The following MEF2C variants were observed in gnomAD, a reference collection of about 807,000 sequenced individuals.
MEF2C encodes the protein myocyte-specific enhancer factor 2C.
In MEF2C, 6 loss-of-function variants were observed where a neutral mutation model predicts 50.5. That is an observed-to-expected ratio of 0.12 (90% CI 0.07 to 0.23). The LOEUF is 0.23. Ranked by LOEUF, MEF2C falls within the 10% of genes least tolerant of loss-of-function variation. MEF2C has a pLI of 1.00. For missense variants in MEF2C, 276 were observed against 605.0 expected (o/e 0.46, Z 5.70); for synonymous variants, 183 against 228.0 (o/e 0.80, Z 1.78).
chr5:88,737,068 T>C (rs2152359064), intron 6 of MEF2C: 1 of 984,942 alleles, frequency 1.0e-6, no homozygotes, highest in South Asian at 4.7e-5. Context: ...CAAATAGATA[T>C]ATAGAATATG....
In MEF2C at chr5:88,832,762, G is replaced by A. The variant is rs115172876; in HGVS notation, c.-142-8832C>T. Among the ~76,000 whole-genome samples, 927 of 152,248 alleles carry A rather than the reference G, an allele frequency of 6.1e-3. 9 individuals are homozygous for A. Among genetic ancestry groups the A allele is most frequent in the African/African-American group, 0.02 (845 of 41,560 alleles). ...CCCACTATGACTGGTGTCTGACACA[G>A]GTTCTGAAGGCTTTAATCAATTACC... is the stretch of plus-strand genomic sequence containing the variant. On this transcript the variant is annotated intron_variant, in intron 1 of 10. Transcript: ENST00000504921.
At chr5:88,847,057 T>C (rs1209028205) in intron 1 of MEF2C, among the ~76,000 whole-genome samples, 2 of 152,202 alleles carry the variant, frequency 1.3e-5, no homozygotes, top group East Asian at 3.8e-4. Flanking sequence ...CACTGGAACA[T>C]GGAGTTAGCA....
intron 5 of MEF2C, chr5:88,749,421 T>C (rs1269936642): frequency 1.0e-6 from 1 of 984,942 alleles, no homozygotes; most frequent in African/African-American, 1.7e-5. Context: ...GCAGATGTTT[T>C]ATAGAAAGTG....
intron 1 of MEF2C, among the ~76,000 whole-genome samples, chr5:88,860,585 T>C (rs1825160401): frequency 6.6e-6 from 1 of 152,056 alleles, no homozygotes; most frequent in Admixed American, 6.6e-5. Context: ...CCCAATGGGG[T>C]GGTCAGATTC....
chr5:88,855,096 T>A (rs1277159978), intron 1 of MEF2C, among the ~76,000 whole-genome samples: 2 of 152,136 alleles, frequency 1.3e-5, no homozygotes, highest in Admixed American at 6.5e-5. Flanking sequence ...TGCTGAAGAA[T>A]CCTGAAGAAG....
intron 1 of MEF2C, among the ~76,000 whole-genome samples, chr5:88,835,515 T>A (rs952515386): frequency 6.6e-6 from 1 of 151,978 alleles, no homozygotes; most frequent in African/African-American, 2.4e-5. Flanking sequence ...AAAGCGTTTT[T>A]AAGAAAAAAA....
chr5:88,838,019 C>A (rs191343915), intron 1 of MEF2C, among the ~76,000 whole-genome samples: 55 of 152,292 alleles, frequency 3.6e-4, no homozygotes, highest in African/African-American at 1.1e-3. Flanking sequence ...GGTCACACAG[C>A]TAGTGTTAGA....
At chr5:88,889,334 A>G (rs541160410) in intron 1 of MEF2C, 16 of 150,210 alleles carry the variant, frequency 1.1e-4, no homozygotes, top group Admixed American at 9.9e-4. Flanking sequence ...CCCCTCCAAC[A>G]CTGCTCTCAT....
rs542164256 is a variant in MEF2C, at chr5:88,888,442, ATTT to A, written c.-239-847_-239-845del. ...ATTTGGGTTGACATCTCTGAGGTTTATTTTTAAGTTGCTTCAGAGTCAAAGAGA... is the reference window on the plus strand; with the variant it reads ...ATTTGGGTTGACATCTCTGAGGTTTATTAAGTTGCTTCAGAGTCAAAGAGA... On this transcript the variant is annotated intron_variant, in intron 1 of 11. Coordinates refer to the MEF2C transcript ENST00000340208. 9.8e-5 allele frequency among the ~76,000 whole-genome samples: 15 copies of A among 152,314 alleles called. No individual in the cohort carries two copies. The East Asian group carries it at 2.3e-3, about 24-fold the overall frequency.
chr5:88,816,825 GA>G (rs1338354221), intron 2 of MEF2C, among the ~76,000 whole-genome samples: 1 of 151,746 alleles, frequency 6.6e-6, no homozygotes, highest in East Asian at 1.9e-4. Flanking sequence ...ATGATACTAA[GA>G]AAAAACAATC....
chr5:88,724,428 T>C (rs1757705626), intron 10 of MEF2C, among the ~76,000 whole-genome samples: 1 of 152,140 alleles, frequency 6.6e-6, no homozygotes, highest in Admixed American at 6.5e-5. Flanking sequence ...TTACTTTCCT[T>C]CTCCTATTAA....
rs1037739936 is a variant in MEF2C at position 88,747,964 on chromosome 5, T to A, written c.637+1106A>T. The A allele has an allele frequency of 9.6e-6, 7 of 727,506 alleles. No homozygotes were observed. In the African/African-American group the frequency reaches 1.3e-4, roughly 14 times the overall value. The allele number at this position is 727,506 out of a possible 1,614,324, so 45.1% of individuals were successfully genotyped here. The stretch of plus-strand genomic sequence containing the variant: ...TGTCCAGCAAAATACTACGTGAGTT[T>A]ACACACTAATTTGGCTCGACCTAAT... On this transcript the variant is annotated intron_variant, in intron 6 of 10. Transcript: ENST00000504921.
At position 88,719,349 on chromosome 5, in the gene MEF2C, GAA is replaced by G. The variant is rs1755512307; in HGVS notation, c.*3253_*3254del. 2 of 152,190 alleles carry G rather than the reference GAA, an allele frequency of 1.3e-5. 1 individual carries two copies. The highest frequency in any genetic ancestry group is 4.1e-4 in the South Asian group (2 of 4,832). 9.4% of individuals were successfully genotyped at this position (152,190 alleles called of 1,614,324 possible). On this transcript the variant is annotated 3_prime_UTR_variant, in exon 11 of 11. Transcript: ENST00000504921. ...AAAAAACACAATTTTTAAAAAGGTT[GAA>G]ATAAACAGCCTCCACGCAGCAATGC... is the stretch of plus-strand genomic sequence containing the variant.
chr5:88,844,922 C>T (rs1274618906), intron 1 of MEF2C, among the ~76,000 whole-genome samples: 1 of 152,112 alleles, frequency 6.6e-6, no homozygotes, highest in Non-Finnish European at 1.5e-5. Flanking sequence ...TGAGAAATGC[C>T]GTGTTCTGCA....
At chr5:88,738,537 C>A in intron 6 of MEF2C, 1 of 902,662 alleles carries the variant, frequency 1.1e-6, no homozygotes, top group Non-Finnish European at 1.3e-6. Context: ...CAGCTATCAA[C>A]TGGTGAAGCT....
chr5:88,747,640 CGCCCGG>C lies in MEF2C; in HGVS notation c.637+1424_637+1429del, dbSNP rs1297639745. 2.3e-4 allele frequency among the ~76,000 whole-genome samples: 11 copies of C among 46,886 alleles called. 3 individuals are homozygous for C. The highest frequency in any genetic ancestry group is 1.1e-3 in the East Asian group (1 of 934). The allele number at this position is 46,886 out of a possible 152,430, so 30.8% of individuals were successfully genotyped here. On this transcript the variant is annotated intron_variant, in intron 6 of 10. Coordinates refer to ENST00000504921, the MANE Select transcript of MEF2C (RefSeq NM_002397.5). ...CTGGGATTACAGGCGTGAGCCACCG[CGCCCGG>C]CCCTTTTTTACTACTTTTAATGACT... is the stretch of plus-strand genomic sequence containing the variant.
chr5:88,889,418 A>G, intron 1 of MEF2C: 1 of 145,256 alleles, frequency 6.9e-6, no homozygotes, highest in South Asian at 2.4e-4. Context: ...CGGCCGACGG[A>G]GCTGAAGGGG....
chr5:88,732,925 C>T (rs936828303), intron 6 of MEF2C: 1 of 241,216 alleles, frequency 4.1e-6, no homozygotes, highest in Non-Finnish European at 6.7e-6. Flanking sequence ...GCCATCATTA[C>T]AAAACACAAG....
At chr5:88,815,022 G>T (rs975841850) in intron 2 of MEF2C, among the ~76,000 whole-genome samples, 1 of 151,978 alleles carries the variant, frequency 6.6e-6, no homozygotes, top group Non-Finnish European at 1.5e-5. Flanking sequence ...TTGTTAAAGG[G>T]CTAATTTTCA....
Sources: allele counts gnomAD v4.1 joint callset (sites outside exome capture counted in the v4.1 genomes callset), GRCh38; gene constraint gnomAD v4.1.1; transcripts MANE v1.5; gene names NCBI Gene and HGNC (gene_info 2026-07-23, HGNC 2026-07-21).